The following ST18 variants were observed in gnomAD, a reference collection of about 807,000 sequenced individuals.
The protein encoded by ST18 is ST18 C2H2C-type zinc finger transcription factor.
Under a neutral mutation model 110.0 loss-of-function variants are expected in ST18, and 50 were observed. The ratio of observed to expected loss-of-function variants is 0.45; its 90% confidence interval spans 0.36 to 0.58. The LOEUF is 0.58. Among genes scored for constraint, ST18 ranks in the 20% least tolerant of loss-of-function variants. The pLI, the probability that ST18 is intolerant of heterozygous loss-of-function variation, is 0.00. For missense variants in ST18, 1,306 were observed against 1,280.1 expected (o/e 1.02, Z -0.31); for synonymous variants, 461 against 452.4 (o/e 1.02, Z -0.24).
At chr8:52,177,389 T>C (rs1434289333) in intron 9 of ST18, among the ~76,000 whole-genome samples, 1 of 152,184 alleles carries the variant, frequency 6.6e-6, no homozygotes, top group Non-Finnish European at 1.5e-5. Context: ...ATCCCTTCTC[T>C]CATCATCTGA....
chr8:52,223,873 T>C (rs908392285), intron 3 of ST18, among the ~76,000 whole-genome samples: 15 of 152,180 alleles, frequency 9.9e-5, no homozygotes, highest in African/African-American at 3.6e-4. Context: ...GTGGTTCTGA[T>C]ATAAACCATA....
At chr8:52,400,664 T>C (rs929349136) in intron 2 of ST18, among the ~76,000 whole-genome samples, 2 of 152,120 alleles carry the variant, frequency 1.3e-5, no homozygotes, top group African/African-American at 4.8e-5. Context: ...TATAAGATGA[T>C]AACTACTTAA....
chr8:52,129,387 G>A (rs1000594466), intron 22 of ST18, among the ~76,000 whole-genome samples: 1 of 149,864 alleles, frequency 6.7e-6, no homozygotes, highest in Non-Finnish European at 1.5e-5. Flanking sequence ...CTGGGAGGCG[G>A]AGGTTGCAGT....
chr8:52,363,547 A>G (rs1826621472), intron 2 of ST18, among the ~76,000 whole-genome samples: 3 of 152,134 alleles, frequency 2.0e-5, no homozygotes, highest in African/African-American at 7.2e-5. Context: ...TTACATTGGC[A>G]AAGTATTGTG....
chr8:52,248,430 C>T (rs2094027859), intron 2 of ST18: 1 of 152,176 alleles, frequency 6.6e-6, no homozygotes, highest in South Asian at 2.1e-4. Flanking sequence ...TATTAAACCA[C>T]TGACAACCCA....
At chr8:52,299,502 C>T (rs1478369266) in intron 2 of ST18, among the ~76,000 whole-genome samples, 1 of 152,170 alleles carries the variant, frequency 6.6e-6, no homozygotes, top group Non-Finnish European at 1.5e-5. Flanking sequence ...ATTAAACCTA[C>T]TTATTTTCTA....
chr8:52,275,081 C>T (rs1032888323), intron 2 of ST18, among the ~76,000 whole-genome samples: 1 of 152,152 alleles, frequency 6.6e-6, no homozygotes, highest in Non-Finnish European at 1.5e-5. Flanking sequence ...GGTTTGGTTT[C>T]TGTACGATAC....
At chr8:52,323,303 T>C (rs963353431) in intron 2 of ST18, among the ~76,000 whole-genome samples, 1 of 152,248 alleles carries the variant, frequency 6.6e-6, no homozygotes, top group Non-Finnish European at 1.5e-5. Flanking sequence ...AAAGATTTAA[T>C]TTGAAATACA....
chr8:52,332,228 G>A (rs905497024), intron 2 of ST18, among the ~76,000 whole-genome samples: 5 of 152,010 alleles, frequency 3.3e-5, no homozygotes, highest in African/African-American at 1.2e-4. Flanking sequence ...AATAATATTT[G>A]TAATGGGGTA....
chr8:52,233,721 A>G (rs576452232), intron 2 of ST18, among the ~76,000 whole-genome samples: 2 of 152,264 alleles, frequency 1.3e-5, no homozygotes, highest in Admixed American at 6.5e-5. Context: ...ATTGGCTTTC[A>G]CCAGCCAATT....
intron 2 of ST18, among the ~76,000 whole-genome samples, chr8:52,344,886 TTTA>T (rs1816986720): frequency 6.6e-6 from 1 of 152,222 alleles, no homozygotes; most frequent in South Asian, 2.1e-4. Flanking sequence ...AGCACTTTAT[TTTA>T]TTATTTGATT....
intron 8 of ST18, among the ~76,000 whole-genome samples, chr8:52,209,788 A>AATATATATAT (rs55960327): frequency 9.5e-6 from 1 of 105,698 alleles, no homozygotes; most frequent in African/African-American, 4.5e-5. Flanking sequence ...AAAAAAAAAA[A>AATATATATAT]ATATATATAT....
intron 2 of ST18, among the ~76,000 whole-genome samples, chr8:52,403,011 A>G (rs777653579): frequency 1.3e-5 from 2 of 152,098 alleles, no homozygotes; most frequent in Admixed American, 1.3e-4. Flanking sequence ...CAAAGTTCCA[A>G]CTTCCTGGGG....
chr8:52,153,528 C>T lies in ST18; in HGVS notation c.1807-3551G>A, dbSNP rs181230836. ...ATGAAATGAAAATATCTTACTCTTA[C>T]TAAACGGTAATTATTAAAGCTGTTT... is the stretch of plus-strand genomic sequence containing the variant. On this transcript the variant is annotated intron_variant, in intron 15 of 25. Transcript: ENST00000689386. Among the ~76,000 whole-genome samples the T allele has an allele frequency of 2.9e-3, 439 of 152,248 alleles. 2 individuals are homozygous for T. Among genetic ancestry groups the T allele is most frequent in the Non-Finnish European group, 4.6e-3 (314 of 68,026 alleles).
At chr8:52,274,334 C>A in intron 2 of ST18, among the ~76,000 whole-genome samples, 1 of 151,882 alleles carries the variant, frequency 6.6e-6, no homozygotes, top group Non-Finnish European at 1.5e-5. Context: ...AAATGTTTTA[C>A]GTAGATAAGA....
chr8:52,252,011 C>T (rs2094334501), intron 2 of ST18, among the ~76,000 whole-genome samples: 1 of 151,988 alleles, frequency 6.6e-6, no homozygotes, highest in Admixed American at 6.6e-5. Context: ...TAAAGTCACG[C>T]AAGTTATATT....
intron 10 of ST18, among the ~76,000 whole-genome samples, chr8:52,169,358 A>G (rs1486003743): frequency 1.3e-5 from 2 of 152,068 alleles, no homozygotes; most frequent in Non-Finnish European, 1.5e-5. Context: ...TGATGTACTC[A>G]TGTAATGGTT....
At chr8:52,134,212 C>T (rs181225861) in intron 19 of ST18, among the ~76,000 whole-genome samples, 3 of 152,156 alleles carry the variant, frequency 2.0e-5, no homozygotes, top group Non-Finnish European at 4.4e-5. Flanking sequence ...CCAAGTCAAA[C>T]AGTCTTTGGG....
intron 2 of ST18, among the ~76,000 whole-genome samples, chr8:52,324,095 C>A (rs920100069): frequency 3.9e-5 from 6 of 152,202 alleles, no homozygotes; most frequent in Non-Finnish European, 7.3e-5. Flanking sequence ...CTGTCACAGA[C>A]AATGGGTCCC....
Sources: gnomAD v4.1 joint callset for allele counts (sites outside exome capture counted in the v4.1 genomes callset) on GRCh38, gnomAD v4.1.1 for gene constraint, MANE v1.5 for transcripts, NCBI Gene and HGNC (gene_info 2026-07-23, HGNC 2026-07-21) for gene names.